Variants in EXOC2 observed in about 807,000 individuals in gnomAD.
The protein encoded by EXOC2 is SEC5-like 1.
In EXOC2, 70 loss-of-function variants were observed where a neutral mutation model predicts 131.8. That is an observed-to-expected ratio of 0.53 (90% CI 0.44 to 0.65). The LOEUF is 0.65. Among genes scored for constraint, EXOC2 ranks in the 30% least tolerant of loss-of-function variants. EXOC2 has a pLI of 0.00. For synonymous variants in EXOC2, 411 were observed against 398.4 expected (o/e 1.03, Z -0.38); for missense variants, 923 against 1,108.6 (o/e 0.83, Z 2.38).
chr6:541,803 T>A (rs1214650163), intron 22 of EXOC2, among the ~76,000 whole-genome samples: 2 of 152,174 alleles, frequency 1.3e-5, no homozygotes, highest in Non-Finnish European at 2.9e-5. Flanking sequence ...AGCAATCATC[T>A]CACAAAGAAA....
At chr6:616,431 G>A (rs555481712) in intron 6 of EXOC2, among the ~76,000 whole-genome samples, 123 of 151,580 alleles carry the variant, frequency 8.1e-4, no homozygotes, top group Middle Eastern at 3.4e-3. Flanking sequence ...GTGAAACCCC[G>A]TCTCTACTAA....
chr6:623,386 AT>A (rs1266990911), intron 4 of EXOC2, among the ~76,000 whole-genome samples: 6 of 152,202 alleles, frequency 3.9e-5, no homozygotes, highest in Non-Finnish European at 8.8e-5. Flanking sequence ...GACGGAGCTG[AT>A]TATTCTGAGA....
At chr6:630,390 G>A (rs868056168) in intron 3 of EXOC2, among the ~76,000 whole-genome samples, 3 of 152,194 alleles carry the variant, frequency 2.0e-5, no homozygotes, top group African/African-American at 7.2e-5. Flanking sequence ...AGAATATTCT[G>A]AAATCATGTA....
chr6:665,568 G>GTA (rs1217598573), intron 1 of EXOC2, among the ~76,000 whole-genome samples: 2 of 152,220 alleles, frequency 1.3e-5, no homozygotes, highest in African/African-American at 2.4e-5. Context: ...AGAAACTGTG[G>GTA]TATATATATA....
intron 6 of EXOC2, among the ~76,000 whole-genome samples, chr6:616,602 CA>C (rs70985805): frequency 0.11 from 7,679 of 69,022 alleles, 232 homozygotes; most frequent in African/African-American, 0.25. Context: ...AACTCCGTCT[CA>C]AAAAAAAAAA....
At chr6:677,875 A>G (rs1208207031) in intron 1 of EXOC2, among the ~76,000 whole-genome samples, 2 of 151,782 alleles carry the variant, frequency 1.3e-5, no homozygotes, top group Non-Finnish European at 2.9e-5. Context: ...ACAACCAATA[A>G]CTATCACAGC....
chr6:604,337 C>T (rs1259481394), intron 7 of EXOC2, among the ~76,000 whole-genome samples: 1 of 152,158 alleles, frequency 6.6e-6, no homozygotes, highest in Admixed American at 6.5e-5. Context: ...ACCTGCCACT[C>T]GCTCTACCTT....
At chr6:570,195 G>A (rs1345427083) in intron 13 of EXOC2, among the ~76,000 whole-genome samples, 1 of 127,712 alleles carries the variant, frequency 7.8e-6, no homozygotes, top group East Asian at 2.4e-4. Flanking sequence ...GTGTGGTGGC[G>A]CGATCTCGGC....
chr6:507,247 C>A (rs1442035065), intron 23 of EXOC2, among the ~76,000 whole-genome samples: 1 of 88,516 alleles, frequency 1.1e-5, no homozygotes, highest in Non-Finnish European at 2.1e-5. Flanking sequence ...GCAGTGACCC[C>A]CCCACACACA....
chr6:616,688 T>TTGGA (rs1761030275), intron 6 of EXOC2, among the ~76,000 whole-genome samples: 1 of 151,488 alleles, frequency 6.6e-6, no homozygotes, highest in South Asian at 2.1e-4. Flanking sequence ...ATTTAATGTG[T>TTGGA]TGGAGGTCAA....
intron 1 of EXOC2, among the ~76,000 whole-genome samples, chr6:639,980 T>G (rs1762283266): frequency 6.6e-6 from 1 of 152,122 alleles, no homozygotes; most frequent in African/African-American, 2.4e-5. Flanking sequence ...TAGTAAATAA[T>G]TTTTAGGGGG....
intron 11 of EXOC2, among the ~76,000 whole-genome samples, chr6:587,191 C>A (rs1426929263): frequency 6.6e-6 from 1 of 151,902 alleles, no homozygotes; most frequent in African/African-American, 2.4e-5. Flanking sequence ...TAAACACACG[C>A]ACACATACAC....
chr6:660,517 T>A (rs1003802948), intron 1 of EXOC2, among the ~76,000 whole-genome samples: 32 of 152,234 alleles, frequency 2.1e-4, no homozygotes, highest in Non-Finnish European at 2.9e-5. Context: ...CAGAGCTGGG[T>A]AGACTCGCTG....
intron 5 of EXOC2, among the ~76,000 whole-genome samples, chr6:619,043 A>G (rs1371998377): frequency 6.6e-6 from 1 of 152,190 alleles, no homozygotes; most frequent in Non-Finnish European, 1.5e-5. Context: ...CCTTTGCCCT[A>G]TGGTCAGAGA....
chr6:677,934 TCACA>T (rs1554150218), intron 1 of EXOC2, among the ~76,000 whole-genome samples: 5,983 of 147,270 alleles, frequency 0.041, 195 homozygotes, highest in African/African-American at 0.084. Flanking sequence ...TTATAATCTC[TCACA>T]CACACACACA....
At chr6:530,977 G>A (rs1333577552) in intron 23 of EXOC2, among the ~76,000 whole-genome samples, 1 of 152,210 alleles carries the variant, frequency 6.6e-6, no homozygotes, top group Non-Finnish European at 1.5e-5. Flanking sequence ...GCATACAGGA[G>A]GATGTGCATA....
In EXOC2 at chr6:655,915, T is replaced by C. The variant is rs1763052882; in HGVS notation, c.-43-18054A>G. Reference sequence around the variant, plus strand: ...CAGGAAAAAAACCTGACAAACCCAATAAACAAAACATGAACTACCCAACTG... The same window carrying C: ...CAGGAAAAAAACCTGACAAACCCAACAAACAAAACATGAACTACCCAACTG... On this transcript the variant is annotated intron_variant, in intron 1 of 27. Transcript: ENST00000230449. The C allele has an allele frequency of 1.2e-5, 6 of 499,474 alleles. No homozygotes were observed. The South Asian group carries it at 1.9e-4, about 16-fold the overall frequency. The allele number at this position is 499,474 out of a possible 1,614,324, so 30.9% of individuals were successfully genotyped here. A position where few individuals can be genotyped will look rare whatever the true frequency, so the allele number is the denominator to read the frequency against.
chr6:497,283 A>G (rs530192777), intron 25 of EXOC2, 84 bp downstream of exon 25: 1 of 1,283,348 alleles, frequency 7.8e-7, no homozygotes, highest in South Asian at 1.3e-5. Flanking sequence ...GAAGCCTGTC[A>G]TATCATAAGA....
intron 27 of EXOC2, among the ~76,000 whole-genome samples, chr6:488,643 T>A (rs1316146958): frequency 2.6e-5 from 4 of 152,184 alleles, no homozygotes; most frequent in Non-Finnish European, 5.9e-5. Context: ...TTCCATTACT[T>A]CTTATGTATG....
Sources: allele counts gnomAD v4.1 joint callset (sites outside exome capture counted in the v4.1 genomes callset), GRCh38; gene constraint gnomAD v4.1.1; transcripts MANE v1.5; gene names NCBI Gene and HGNC (gene_info 2026-07-23, HGNC 2026-07-21).